The following PCF11 variants were observed in gnomAD, a reference collection of about 807,000 sequenced individuals.
PCF11 encodes pre-mRNA cleavage complex 2 protein Pcf11.
PCF11 carries 19 observed loss-of-function variants against 166.1 expected under a neutral mutation model. The observed-to-expected ratio is 0.11, with a 90% CI of 0.08 to 0.17. The LOEUF is 0.17. Ranked by LOEUF, PCF11 falls within the 10% of genes least tolerant of loss-of-function variation. The pLI is 1.00. For synonymous variants in PCF11, 663 were observed against 644.1 expected (o/e 1.03, Z -0.44); for missense variants, 1,565 against 1,855.5 (o/e 0.84, Z 2.88).
chr11:83,177,648 T>C, intron 10 of PCF11, 66 bp from the exon 11 acceptor site: 2 of 742,022 alleles, frequency 2.7e-6, no homozygotes, highest in Non-Finnish European at 4.4e-6. Flanking sequence ...AATACTATAG[T>C]GTTCCTCTGT....
At chr11:83,186,339 T>A (rs1484391649) in exon 16 of PCF11, 1 of 152,202 alleles carries the variant, frequency 6.6e-6, no homozygotes, top group African/African-American at 2.4e-5. Flanking sequence ...TAAAATACTT[T>A]TGTGTTTTCA....
chr11:83,159,077 C>A (rs1033809533), intron 1 of PCF11, among the ~76,000 whole-genome samples: 1 of 151,976 alleles, frequency 6.6e-6, no homozygotes, highest in Non-Finnish European at 1.5e-5. Context: ...TTAAAGAGGA[C>A]GAAAAGGAAG....
chr11:83,183,266 C>G (rs1183007621), intron 15 of PCF11, among the ~76,000 whole-genome samples, 193 bp downstream of exon 15: 1 of 152,040 alleles, frequency 6.6e-6, no homozygotes. Context: ...ATATGAATAT[C>G]ATTTTCTGTG....
At chr11:83,168,943 G>C (rs201105443) in exon 8 of PCF11, 2 of 1,613,858 alleles carry the variant, frequency 1.2e-6, no homozygotes, top group Admixed American at 1.7e-5. Context: ...GGGACCAGGA[G>C]GCCAGCCTGT....
At chr11:83,157,728 T>A in intron 1 of PCF11, 97 bp downstream of exon 1, 1 of 1,147,864 alleles carries the variant, frequency 8.7e-7, no homozygotes, top group Non-Finnish European at 1.3e-6. Flanking sequence ...AGGGGGACAG[T>A]GTTCCTTCTC....
exon 16 of PCF11, chr11:83,184,962 T>C (rs1861229454): frequency 2.8e-6 from 3 of 1,055,302 alleles, no homozygotes; most frequent in Non-Finnish European, 2.8e-6. Flanking sequence ...GTGAAGAATT[T>C]TTTTATGTAT....
chr11:83,174,749 C>T (rs1215248648), intron 9 of PCF11, among the ~76,000 whole-genome samples: 1 of 152,074 alleles, frequency 6.6e-6, no homozygotes, highest in Non-Finnish European at 1.5e-5. Context: ...GGTTAAAATC[C>T]CTGGAGTCTG....
chr11:83,178,823 A>AT (rs925712947), intron 11 of PCF11, among the ~76,000 whole-genome samples: 21 of 152,188 alleles, frequency 1.4e-4, no homozygotes, highest in African/African-American at 4.8e-4. Context: ...AAAAAAAAAA[A>AT]AAAATCTATT....
Position 83,167,604 on chromosome 11 carries a change from G to T in PCF11, c.2092+99G>T. The T allele has an allele frequency of 6.5e-7, 1 of 1,542,570 alleles. No homozygotes were observed. Among genetic ancestry groups the T allele is most frequent in the South Asian group, 1.2e-5 (1 of 83,502 alleles). On this transcript the variant is annotated intron_variant, in intron 7 of 15. Transcript: ENST00000298281. This position sits in a 1 kb window ranked among gnomAD's most constrained non-coding sequence, Gnocchi z 4.2. ...ATCTGATGCTGAATTAACCTACTAT[G>T]AACATAAAGCAAAACTGAAAAGGAC...
chr11:83,183,207 C>T (rs1395484163), intron 15 of PCF11, 134 bp downstream of exon 15: 3 of 534,184 alleles, frequency 5.6e-6, no homozygotes, highest in African/African-American at 4.0e-5. Context: ...TTTGATATAG[C>T]ATTTAGGTTG....
At chr11:83,171,854 C>G in exon 9 of PCF11, 1 of 1,606,234 alleles carries the variant, frequency 6.2e-7, no homozygotes, top group South Asian at 1.1e-5. Flanking sequence ...AGCTTTTGGT[C>G]AAGGACAACA....
rs149154970 is a variant in PCF11, at chr11:83,162,965, G to T, written c.319-714G>T. ...AATTTTGTATTTTTAGTAAAGACGG[G>T]GTTTCACCATTGTTGGTCAGGCTGG... On this transcript the variant is annotated intron_variant, in intron 2 of 15. Coordinates refer to ENST00000298281, the Ensembl canonical transcript of PCF11. Among the ~76,000 whole-genome samples, 108 of 152,194 alleles carry T rather than the reference G, an allele frequency of 7.1e-4. 2 individuals carry two copies. Among genetic ancestry groups the T allele is most frequent in the African/African-American group, 2.5e-3 (104 of 41,534 alleles).
exon 1 of PCF11, chr11:83,157,393 G>C: frequency 6.4e-7 from 1 of 1,551,526 alleles, no homozygotes; most frequent in South Asian, 1.1e-5. Context: ...TATCCAGAGC[G>C]GCTTCAGCTT....
At chr11:83,161,493 A>T (rs1418324694) in intron 2 of PCF11, 41 bp downstream of exon 2, 1 of 1,427,932 alleles carries the variant, frequency 7.0e-7, no homozygotes, top group East Asian at 2.4e-5. Context: ...TTTTTTAAAA[A>T]ATGTGTTCCT....
exon 16 of PCF11, chr11:83,184,860 T>C (rs911114869): frequency 2.5e-6 from 4 of 1,572,912 alleles, no homozygotes; most frequent in Non-Finnish European, 3.4e-6. Flanking sequence ...CCCTCTGAAA[T>C]TAAAACAGAA....
exon 8 of PCF11, chr11:83,168,842 G>T (rs1421118116): frequency 1.2e-6 from 2 of 1,613,766 alleles, no homozygotes; most frequent in Admixed American, 1.7e-5. Flanking sequence ...CGGTTTGAGG[G>T]CCCAATTGGT....
chr11:83,163,446 T>C (rs764703538), intron 2 of PCF11, among the ~76,000 whole-genome samples: 2 of 152,118 alleles, frequency 1.3e-5, no homozygotes, highest in African/African-American at 2.4e-5. Flanking sequence ...ACGTTTTGTA[T>C]ATAGAAAGGC....
intron 2 of PCF11, among the ~76,000 whole-genome samples, chr11:83,162,764 TTTTC>T (rs1196400173): frequency 2.0e-5 from 3 of 152,202 alleles, no homozygotes; most frequent in Admixed American, 6.5e-5. Context: ...TGATGGCGAA[TTTTC>T]TTTCTTTTTC....
Position 83,167,855 on chromosome 11 carries a change from C to G in PCF11, c.2092+350C>G. On this transcript the variant is annotated intron_variant, in intron 7 of 15. Coordinates refer to ENST00000298281, the Ensembl canonical transcript of PCF11. The surrounding 1 kb of genome is among the most constrained non-coding windows in gnomAD (Gnocchi z 4.2). ...GTACTTATGCTGAGAATCTTTCACC[C>G]CATGAGGGCCGGAGAAGACATGACG... The G allele has an allele frequency of 7.6e-7, 1 of 1,313,402 alleles. No homozygotes were observed. Among genetic ancestry groups the G allele is most frequent in the Non-Finnish European group, 9.9e-7 (1 of 1,005,124 alleles). 81.4% of individuals were successfully genotyped at this position (1,313,402 alleles called of 1,614,324 possible).
Sources: allele counts gnomAD v4.1 joint callset (sites outside exome capture counted in the v4.1 genomes callset), GRCh38; gene constraint gnomAD v4.1.1; non-coding constraint Gnocchi (gnomAD v3.1); transcripts MANE v1.5; gene names NCBI Gene and HGNC (gene_info 2026-07-23, HGNC 2026-07-21).